The following BBS10 variants were observed in gnomAD, a reference collection of about 807,000 sequenced individuals.
The protein encoded by BBS10 is BBSome complex assembly protein BBS10.
BBS10 carries 13 observed loss-of-function variants against 12.7 expected under a neutral mutation model. That is an observed-to-expected ratio of 1.03 (90% CI 0.67 to 1.63). BBS10 has a LOEUF of 1.63. Ranked by LOEUF, BBS10 falls within the 40% of genes most tolerant of loss-of-function variation. BBS10 has a pLI of 0.00. For missense variants in BBS10, 858 were observed against 858.0 expected, an observed-to-expected ratio of 1.00 and a Z score of 0.00; for synonymous variants, 294 against 304.8, an observed-to-expected ratio of 0.96 and a Z score of 0.37.
chr12:76,347,712 G>C lies in BBS10; in HGVS notation c.273C>G (p.Cys91Trp), dbSNP rs148374859. The C allele has an allele frequency of 2.0e-5, 33 of 1,610,448 alleles. No individual in the cohort carries two copies. Among genetic ancestry groups the C allele is most frequent in the Admixed American group, 3.3e-5 (2 of 59,706 alleles). Residue 91 changes from cysteine (C) to tryptophan (W), a missense_variant, in exon 2 of 2, where the codon TGC (cysteine) becomes TGG (tryptophan). Coordinates refer to ENST00000650064, the MANE Select transcript of BBS10 (RefSeq NM_024685.4). The stretch of plus-strand genomic sequence containing the variant: ...TTGCATGAAGTCCTCTAAGCAAATG[G>C]CAAAGAAAGATAATAAATGTTTTTG... ...DGAKTFIIFL[C>W]HLLRGLHAIT...
At position 76,348,165 on chromosome 12, in the gene BBS10, G is replaced by A. The variant is rs1951777766; in HGVS notation, c.194C>T (p.Ala65Val). ...TTAGCGTGTGGGACGCGGGTACCTG[G>A]CTATGGGATGCTCTAAGTGTAGCGC... Reference protein sequence around the residue: ...LEALHLEHPIARMIVDCVSSH... With the variant: ...LEALHLEHPIVRMIVDCVSSH... The change falls in exon 1 of 2, where the codon GCC becomes GTC. Residue 65 changes from alanine (A) to valine (V), a missense_variant. Physicochemically the swap from Ala to Val is moderately conservative, Grantham distance 64 (BLOSUM62 0). Coordinates refer to ENST00000650064, the MANE Select transcript of BBS10 (RefSeq NM_024685.4). 2 of 1,609,108 alleles carry A rather than the reference G, an allele frequency of 1.2e-6. No homozygotes were observed.
At position 76,347,300 on chromosome 12, in the gene BBS10, G is replaced by C; in HGVS notation, c.685C>G (p.Pro229Ala). ...GCTATGATCCTGGAATCTGAAACAG[G>C]AAGGCCAGTGACACCAACATTCAAC... ...VELNVGVTGL[P>A]VSDSRIIAGL... Residue 229 changes from proline (P) to alanine (A), a missense_variant, in exon 2 of 2, where the codon CCT becomes GCT. Pro to Ala is a conservative substitution (Grantham distance 27). Transcript: ENST00000650064. 1 of 1,613,854 alleles carries C rather than the reference G, an allele frequency of 6.2e-7. No individual in the cohort carries two copies. Among genetic ancestry groups the C allele is most frequent in the Non-Finnish European group, 8.5e-7 (1 of 1,180,016 alleles).
rs1951771808 is a variant in BBS10, at chr12:76,347,661, C to G, written c.324G>C (p.Leu108Phe). Residue 108 changes from leucine to phenylalanine, a missense_variant, in exon 2 of 2, where the codon TTG becomes TTC. Coordinates refer to ENST00000650064, the MANE Select transcript of BBS10 (RefSeq NM_024685.4). ...CATGGGTTTGAATGTTTTCACACAT[C>G]AAAGGATCCTTTTCTCTGTCTGTGA... Reference protein sequence around the residue: ...HAITDREKDPLMCENIQTHGR... With the variant: ...HAITDREKDPFMCENIQTHGR... 1 of 1,613,310 alleles carries G rather than the reference C, an allele frequency of 6.2e-7. No homozygotes were observed.
chr12:76,348,109 A>G, intron 1 of BBS10, 53 bp downstream of exon 1: 2 of 1,559,104 alleles, frequency 1.3e-6, no homozygotes, highest in East Asian at 4.5e-5. Flanking sequence ...CAAGAGCTCC[A>G]CAGAGGCTGC....
rs370213920 is a variant in BBS10, at chr12:76,348,332, C to A, written c.27G>T (p.Gly9=). 5.4e-5 allele frequency: 87 copies of A among 1,604,538 alleles called. 1 individual carries two copies. In the South Asian group the frequency reaches 5.6e-4, roughly 10 times the overall value. Residue 9 remains glycine (G), a synonymous_variant, in exon 1 of 2, where the codon GGG becomes GGT. Coordinates refer to ENST00000650064, the MANE Select transcript of BBS10 (RefSeq NM_024685.4). MLSSMAAA[G]SVKAALQVAE... ...CCACCTGCAACGCCGCCTTCACAGA[C>A]CCTGCAGCGGCCATAGAACTTAACA...
Position 76,345,789 on chromosome 12 carries a change from T to G in BBS10, c.*24A>C. The G allele has an allele frequency of 6.2e-7, 1 of 1,602,328 alleles. No homozygotes were observed. The highest frequency in any genetic ancestry group is 8.5e-7 in the Non-Finnish European group (1 of 1,171,534). On this transcript the variant is annotated 3_prime_UTR_variant, in exon 2 of 2. Coordinates refer to ENST00000650064, the MANE Select transcript of BBS10 (RefSeq NM_024685.4). ...ACTTGGCTTGAGTTAGATGAAAAGT[T>G]TGGTTAATTAAAAACTTCTGATGTT...
At position 76,347,310 on chromosome 12, in the gene BBS10, G is replaced by A. The variant is rs2136090937; in HGVS notation, c.675C>T (p.Val225=). Residue 225 remains valine, a synonymous_variant, in exon 2 of 2, where the codon GTC becomes GTT. Coordinates refer to ENST00000650064, the MANE Select transcript of BBS10 (RefSeq NM_024685.4). ...DDHFVELNVG[V]TGLPVSDSRI... ...TGGAATCTGAAACAGGAAGGCCAGTGACACCAACATTCAACTCTACAAAAT... is the reference window on the plus strand; with the variant it reads ...TGGAATCTGAAACAGGAAGGCCAGTAACACCAACATTCAACTCTACAAAAT... 1.2e-6 allele frequency: 2 copies of A among 1,613,866 alleles called. No individual in the cohort carries two copies. The highest frequency in any genetic ancestry group is 1.7e-6 in the Non-Finnish European group (2 of 1,180,004).
In BBS10 at chr12:76,347,535, A is replaced by G. The variant is rs573346325; in HGVS notation, c.450T>C (p.Ser150=). Residue 150 remains serine, a synonymous_variant, in exon 2 of 2, where the codon AGT becomes AGC. Coordinates refer to ENST00000650064, the MANE Select transcript of BBS10 (RefSeq NM_024685.4). The part of the protein sequence containing the change: ...ILDGIMDQYL[S]RHFLSIFSSA... ...ACGAAAAGATAGACAAAAAGTGTCTACTTAGGTACTGGTCCATAATACCGT... is the reference window on the plus strand; with the variant it reads ...ACGAAAAGATAGACAAAAAGTGTCTGCTTAGGTACTGGTCCATAATACCGT... 6.2e-6 allele frequency: 10 copies of G among 1,613,852 alleles called. No individual in the cohort carries two copies. In the South Asian group the frequency reaches 8.8e-5, roughly 14 times the overall value.
Position 76,344,538 on chromosome 12 carries a change from T to C in BBS10, c.*1275A>G, listed in dbSNP as rs886049837. ...AAAGAGCTAATTTATTCTCTCCATA[T>C]TCACAGAAACAAAATAATGCATCAT... On this transcript the variant is annotated 3_prime_UTR_variant, in exon 2 of 2. Transcript: ENST00000650064. The C allele has an allele frequency of 2.6e-5, 4 of 152,172 alleles. No individual in the cohort carries two copies. Among genetic ancestry groups the C allele is most frequent in the African/African-American group, 9.6e-5 (4 of 41,452 alleles). 9.4% of individuals were successfully genotyped at this position (152,172 alleles called of 1,614,324 possible). A position where few individuals can be genotyped will look rare whatever the true frequency, so the allele number is the denominator to read the frequency against.
rs541724800 is a variant in BBS10, at chr12:76,345,054, C to G, written c.*759G>C. On this transcript the variant is annotated 3_prime_UTR_variant, in exon 2 of 2. Coordinates refer to ENST00000650064, the MANE Select transcript of BBS10 (RefSeq NM_024685.4). ...CCAGTAAATACATGACATATCCTTA[C>G]AAGCTCTTGGGGTCAGGAGAAAATC... 4 of 152,246 alleles carry G rather than the reference C, an allele frequency of 2.6e-5. No individual in the cohort carries two copies. In the South Asian group the frequency reaches 8.3e-4, roughly 32 times the overall value. 9.4% of individuals were successfully genotyped at this position (152,246 alleles called of 1,614,324 possible).
At position 76,346,173 on chromosome 12, in the gene BBS10, A is replaced by G. The variant is rs1029779593; in HGVS notation, c.1812T>C (p.Gly604=). 1 of 1,611,018 alleles carries G rather than the reference A, an allele frequency of 6.2e-7. No homozygotes were observed. The highest frequency in any genetic ancestry group is 1.3e-5 in the African/African-American group (1 of 74,870). ...MPAGCVLPVG[G]NFEILLHYYL... ...AGTAATGTAACAAGATCTCAAAATT[A>G]CCACCTACTGGCAAAACACAACCAG... is the stretch of plus-strand genomic sequence containing the variant. The change falls in exon 2 of 2, where the codon GGT becomes GGC. Residue 604 remains glycine (G), a synonymous_variant. Coordinates refer to ENST00000650064, the MANE Select transcript of BBS10 (RefSeq NM_024685.4).
chr12:76,345,780 A>G lies in BBS10; in HGVS notation c.*33T>C, dbSNP rs1230081320. ...GACTGCTTTACTTGGCTTGAGTTAG[A>G]TGAAAAGTTTGGTTAATTAAAAACT... On this transcript the variant is annotated 3_prime_UTR_variant, in exon 2 of 2. Coordinates refer to ENST00000650064, the MANE Select transcript of BBS10 (RefSeq NM_024685.4). 2 of 1,589,810 alleles carry G rather than the reference A, an allele frequency of 1.3e-6. No homozygotes were observed. Among genetic ancestry groups the G allele is most frequent in the Non-Finnish European group, 1.7e-6 (2 of 1,161,364 alleles).
rs1951749450 is a variant in BBS10, at chr12:76,345,197, T to C, written c.*616A>G. 6.6e-6 allele frequency: 1 copy of C among 152,314 alleles called. No individual in the cohort carries two copies. Among genetic ancestry groups the C allele is most frequent in the Non-Finnish European group, 1.5e-5 (1 of 68,188 alleles). 9.4% of individuals were successfully genotyped at this position (152,314 alleles called of 1,614,324 possible). A position where few individuals can be genotyped will look rare whatever the true frequency, so the allele number is the denominator to read the frequency against. ...TTCAAAGGTATATCAAAGGTGAAAA[T>C]CTATCCAAGTTTTCCAAATGAAGTG... is the stretch of plus-strand genomic sequence containing the variant. On this transcript the variant is annotated 3_prime_UTR_variant, in exon 2 of 2. Coordinates refer to ENST00000650064, the MANE Select transcript of BBS10 (RefSeq NM_024685.4).
In BBS10 at chr12:76,347,217, T is replaced by G. The variant is rs1404515732; in HGVS notation, c.768A>C (p.Arg256=). 1.2e-6 allele frequency: 2 copies of G among 1,612,028 alleles called. No homozygotes were observed. Among genetic ancestry groups the G allele is most frequent in the African/African-American group, 1.3e-5 (1 of 74,946 alleles). The change falls in exon 2 of 2, where the codon CGA becomes CGC. Residue 256 remains arginine (R), a synonymous_variant. Transcript: ENST00000650064. Reference sequence around the variant, plus strand: ...GAATGGTTTCTGTTACTATCACCATTCGCATGTCACCATCTGCTGGGCGGT... The same window carrying G: ...GAATGGTTTCTGTTACTATCACCATGCGCATGTCACCATCTGCTGGGCGGT... ...SVYRPADGDM[R]MVIVTETIQP...
At position 76,347,511 on chromosome 12, in the gene BBS10, C is replaced by G; in HGVS notation, c.474G>C (p.Ser158=). The part of the protein sequence containing the change: ...YLSRHFLSIF[S]SAKERTLCRS... ...TACACAATGTTCTCTCTTTAGCAGA[C>G]GAAAAGATAGACAAAAAGTGTCTAC... is the stretch of plus-strand genomic sequence containing the variant. The change falls in exon 2 of 2, where the codon TCG becomes TCC. Residue 158 remains serine (S), a synonymous_variant. Transcript: ENST00000650064. The G allele has an allele frequency of 6.2e-7, 1 of 1,613,654 alleles. No homozygotes were observed. Among genetic ancestry groups the G allele is most frequent in the Non-Finnish European group, 8.5e-7 (1 of 1,179,980 alleles).
chr12:76,347,731 G>C lies in BBS10; in HGVS notation c.254C>G (p.Thr85Arg). 6.2e-7 allele frequency: 1 copy of C among 1,607,808 alleles called. No individual in the cohort carries two copies. Among genetic ancestry groups the C allele is most frequent in the Non-Finnish European group, 8.5e-7 (1 of 1,179,796 alleles). Residue 85 changes from threonine to arginine, a missense_variant, in exon 2 of 2, where the codon ACA becomes AGA. Thr to Arg is a moderately conservative substitution (Grantham distance 71). Transcript: ENST00000650064. ...HLKKTGDGAK[T>R]FIIFLCHLLR... The stretch of plus-strand genomic sequence containing the variant: ...CAAATGGCAAAGAAAGATAATAAAT[G>C]TTTTTGCACCATCTCCTGTTTTTTT...
In BBS10 at chr12:76,346,660, G is replaced by A. The variant is rs780966013; in HGVS notation, c.1325C>T (p.Thr442Ile). 40 of 1,613,914 alleles carry A rather than the reference G, an allele frequency of 2.5e-5. No homozygotes were observed. Among genetic ancestry groups the A allele is most frequent in the East Asian group, 4.5e-5 (2 of 44,886 alleles). Residue 442 changes from threonine to isoleucine, a missense_variant, in exon 2 of 2, where the codon ACT becomes ATT. Coordinates refer to ENST00000650064, the MANE Select transcript of BBS10 (RefSeq NM_024685.4). ...YMTQTNDQNG[T>I]SSLFIYKNSG... Reference sequence around the variant, plus strand: ...GTTCTTATAAATAAAAAGACTTGAAGTGCCATTTTGGTCATTGGTTTGTGT... The same window carrying A: ...GTTCTTATAAATAAAAAGACTTGAAATGCCATTTTGGTCATTGGTTTGTGT...
rs1368733646 is a variant in BBS10 at position 76,346,801 on chromosome 12, T to C, written c.1184A>G (p.His395Arg). 1 of 1,614,074 alleles carries C rather than the reference T, an allele frequency of 6.2e-7. No individual in the cohort carries two copies. The highest frequency in any genetic ancestry group is 1.1e-5 in the South Asian group (1 of 91,070). ...CACTGGTCCACAAAGAACTATAGAG[T>C]GTGGTATAAATGCACATGTGCTTAT... is the stretch of plus-strand genomic sequence containing the variant. The part of the protein sequence containing the change: ...GLISTCAFIP[H>R]SIVLCGPVHG... The change falls in exon 2 of 2, where the codon CAC (histidine) becomes CGC (arginine). Residue 395 changes from histidine to arginine, a missense_variant. His to Arg is a conservative substitution (Grantham distance 29, BLOSUM62 0). Transcript: ENST00000650064.
chr12:76,346,664 C>T lies in BBS10; in HGVS notation c.1321G>A (p.Gly441Ser), dbSNP rs1355908139. 6.2e-7 allele frequency: 1 copy of T among 1,613,998 alleles called. No homozygotes were observed. Among genetic ancestry groups the T allele is most frequent in the Admixed American group, 1.7e-5 (1 of 60,022 alleles). Residue 441 changes from glycine (G) to serine (S), a missense_variant, in exon 2 of 2, where the codon GGC (glycine) becomes AGC (serine). Gly to Ser is a moderately conservative substitution (Grantham distance 56). Coordinates refer to ENST00000650064, the MANE Select transcript of BBS10 (RefSeq NM_024685.4). ...TTATAAATAAAAAGACTTGAAGTGC[C>T]ATTTTGGTCATTGGTTTGTGTCATG... is the stretch of plus-strand genomic sequence containing the variant. ...NYMTQTNDQN[G>S]TSSLFIYKNS...
Sources: allele counts gnomAD v4.1 joint callset, GRCh38; gene constraint gnomAD v4.1.1; transcripts MANE v1.5; gene names NCBI Gene and HGNC (gene_info 2026-07-23, HGNC 2026-07-21).